Variants in UTP14A observed in about 807,000 individuals in gnomAD.
UTP14A encodes the protein UTP14A small subunit processome component.
A neutral mutation model predicts 57.2 loss-of-function variants in UTP14A; 5 were observed. The ratio of observed to expected loss-of-function variants is 0.09; its 90% confidence interval spans 0.05 to 0.18. UTP14A has a LOEUF of 0.18. Ranked by LOEUF, UTP14A falls within the 10% of genes least tolerant of loss-of-function variation. The pLI is 1.00. For missense variants in UTP14A, 430 were observed against 562.1 expected (o/e 0.76, Z 2.38); for synonymous variants, 169 against 210.9 (o/e 0.80, Z 1.72).
Position 129,925,237 on chromosome X carries a change from C to T in UTP14A, c.1749+42C>T, listed in dbSNP as rs41300918. Reference sequence around the variant, plus strand: ...TGGTGGGCCATTGTTCAGAAAGTGTCGTTCTTGCGCAAGGAGTAATGAAGC... The same window carrying T: ...TGGTGGGCCATTGTTCAGAAAGTGTTGTTCTTGCGCAAGGAGTAATGAAGC... On this transcript the variant is annotated intron_variant, in intron 12 of 14. Coordinates refer to ENST00000394422, the MANE Select transcript of UTP14A (RefSeq NM_006649.4). 608 of 1,175,506 alleles carry T rather than the reference C, an allele frequency of 5.2e-4. No individual in the cohort carries two copies. The Middle Eastern group carries it at 6.9e-3, about 13-fold the overall frequency.
At position 129,924,861 on chromosome X, in the gene UTP14A, A is replaced by C. The variant is rs1930043603; in HGVS notation, c.1415A>C (p.Gln472Pro). 1 of 1,208,280 alleles carries C rather than the reference A, an allele frequency of 8.3e-7. No homozygotes were observed. The highest frequency in any genetic ancestry group is 2.2e-5 in the Admixed American group (1 of 45,131). Residue 472 changes from glutamine (Q) to proline (P), a missense_variant, in exon 12 of 15, where the codon CAG (glutamine) becomes CCG (proline). Around this residue, in one of 4 missense-constraint regions of UTP14A, gnomAD observed 120 missense variants for 116.8 expected, o/e 1.03. Coordinates refer to ENST00000394422, the MANE Select transcript of UTP14A (RefSeq NM_006649.4). ...TCTCAGAAATTGAAGGAAAACCATC[A>C]GTCCAGGAAGCAAAAAGCAAGTTCA... Reference protein sequence around the residue: ...VLSQKLKENHQSRKQKASSEG... With the variant: ...VLSQKLKENHPSRKQKASSEG...
intron 12 of UTP14A, 42 bp downstream of exon 12, chrX:129,925,237 C>A: frequency 8.5e-7 from 1 of 1,177,227 alleles, no homozygotes; most frequent in Non-Finnish European, 1.1e-6. Context: ...CAGAAAGTGT[C>A]GTTCTTGCGC....
Position 129,908,077 on chromosome X carries a change from G to C in UTP14A, c.120G>C (p.Glu40Asp). 8.3e-7 allele frequency: 1 copy of C among 1,208,580 alleles called. No individual in the cohort carries two copies. Among genetic ancestry groups the C allele is most frequent in the Non-Finnish European group, 1.1e-6 (1 of 894,230 alleles). The stretch of plus-strand genomic sequence containing the variant: ...TGTCTTAGGGGGACAATGATGGAGA[G>C]AGAAAGCATCAAAAGCTTCTGGAAG... ...ESEDEGDNDG[E>D]RKHQKLLEAI... The change falls in exon 3 of 15, where the codon GAG becomes GAC. Residue 40 changes from glutamate (E) to aspartate (D), a missense_variant. Glu to Asp is a conservative substitution (Grantham distance 45). Around this residue, in one of 4 missense-constraint regions of UTP14A, gnomAD observed 145 missense variants for 153.5 expected, o/e 0.94. Transcript: ENST00000394422.
chrX:129,927,291 A>G (rs1204086689), intron 14 of UTP14A, among the ~76,000 whole-genome samples: 2 of 111,461 alleles, frequency 1.8e-5, no homozygotes, highest in African/African-American at 6.5e-5. Context: ...AAGTGCTTCA[A>G]GGTGCCTAGG....
At chrX:129,928,905 C>T (rs750100920) in intron 14 of UTP14A, among the ~76,000 whole-genome samples, 4 of 111,095 alleles carry the variant, frequency 3.6e-5, no homozygotes, top group Admixed American at 9.6e-5. Context: ...TCTGGGACAA[C>T]AGCCCTGGAG....
intron 4 of UTP14A, among the ~76,000 whole-genome samples, chrX:129,909,543 CT>C (rs1929388598): frequency 9.0e-6 from 1 of 111,357 alleles, no homozygotes; most frequent in Admixed American, 9.7e-5. Flanking sequence ...ATCCCTCCCC[CT>C]GTGCCCCTTC....
At chrX:129,912,258 G>A (rs758586464) in intron 6 of UTP14A, among the ~76,000 whole-genome samples, 1 of 109,463 alleles carries the variant, frequency 9.1e-6, no homozygotes, top group Non-Finnish European at 1.9e-5. Context: ...GATTACTGGC[G>A]TGCACCAACA....
intron 11 of UTP14A, chrX:129,921,955 C>T (rs1052688180): frequency 1.3e-5 from 2 of 150,826 alleles, no homozygotes; most frequent in African/African-American, 6.2e-5. Flanking sequence ...TCTGAAAGTC[C>T]ATTCACACCT....
intron 6 of UTP14A, among the ~76,000 whole-genome samples, chrX:129,917,536 T>G (rs971216511): frequency 2.9e-4 from 32 of 111,486 alleles, no homozygotes; most frequent in Non-Finnish European, 5.5e-4. Flanking sequence ...TGATAGCATG[T>G]GGAATAACTG....
chrX:129,908,483 G>A (rs1337646002), intron 3 of UTP14A, 187 bp from the exon 4 acceptor site: 1 of 476,614 alleles, frequency 2.1e-6, no homozygotes, highest in East Asian at 3.4e-5. Context: ...ATAAAGAGAA[G>A]AGATGAGGGT....
chrX:129,921,807 T>C, intron 11 of UTP14A: 1 of 385,743 alleles, frequency 2.6e-6, no homozygotes, highest in Non-Finnish European at 4.3e-6. Flanking sequence ...TGCAACGTGG[T>C]TCAGGCACAT....
intron 6 of UTP14A, among the ~76,000 whole-genome samples, chrX:129,913,609 C>A (rs1430733096): frequency 8.9e-6 from 1 of 111,896 alleles, no homozygotes; most frequent in Non-Finnish European, 1.9e-5. Flanking sequence ...CATGCTACTA[C>A]ACACTGTCCT....
rs1245705170 is a variant in UTP14A at position 129,915,522 on chromosome X, C to T, written c.537+3601C>T. On this transcript the variant is annotated intron_variant, in intron 6 of 14. Coordinates refer to ENST00000394422, the MANE Select transcript of UTP14A (RefSeq NM_006649.4). ...CCTGGGCGACAGAGCGAGACTCTGTCTCAAAAAAAAAAAAAAAAAAAGGCT... is the reference window on the plus strand; with the variant it reads ...CCTGGGCGACAGAGCGAGACTCTGTTTCAAAAAAAAAAAAAAAAAAAGGCT... Among the ~76,000 whole-genome samples the T allele has an allele frequency of 5.2e-4, 34 of 65,455 alleles. 1 individual carries two copies. The highest frequency in any genetic ancestry group is 3.2e-3 in the African/African-American group (32 of 10,131). 56.8% of individuals were successfully genotyped at this position (65,455 alleles called of 115,157 possible).
chrX:129,921,729 T>C, intron 11 of UTP14A, 142 bp downstream of exon 11: 1 of 602,821 alleles, frequency 1.7e-6, no homozygotes, highest in Non-Finnish European at 2.4e-6. Context: ...ACTGGATCCC[T>C]GAAGAGAAAT....
At chrX:129,913,441 T>C (rs2124196088) in intron 6 of UTP14A, 2 of 336,952 alleles carry the variant, frequency 5.9e-6, no homozygotes, top group East Asian at 9.8e-5. Flanking sequence ...ATAGAAGATA[T>C]GTAGTGAAAA....
At position 129,929,606 on chromosome X, in the gene UTP14A, T is replaced by C; in HGVS notation, c.2314T>C (p.Ter772ArgextTer21). The C allele has an allele frequency of 8.3e-7, 1 of 1,207,362 alleles. No homozygotes were observed. Among genetic ancestry groups the C allele is most frequent in the Non-Finnish European group, 1.1e-6 (1 of 891,902 alleles). The change falls in exon 15 of 15, where the codon TGA (stop) becomes CGA (arginine). Residue 772 changes from the stop codon to arginine, a stop_lost. Coordinates refer to ENST00000394422, the MANE Select transcript of UTP14A (RefSeq NM_006649.4). ...ACAGCTGAAGAAATGCTCTGTAGAT[T>C]GAGTTGCTGGAGGAGTGACAGCCAG... ...KKQLKKCSVD[*>R]
rs767918400 is a variant in UTP14A, at chrX:129,924,810, A to G, written c.1364A>G (p.Glu455Gly). 6 of 1,196,338 alleles carry G rather than the reference A, an allele frequency of 5.0e-6. No homozygotes were observed. The highest frequency in any genetic ancestry group is 5.6e-6 in the Non-Finnish European group (5 of 890,964). Residue 455 changes from glutamate (E) to glycine (G), a missense_variant, in exon 12 of 15, where the codon GAG becomes GGG. Physicochemically the swap from Glu to Gly is moderately conservative, Grantham distance 98. This residue lies in a region of UTP14A where 120 missense variants were observed against 116.8 expected (regional missense o/e 1.03). Coordinates refer to ENST00000394422, the MANE Select transcript of UTP14A (RefSeq NM_006649.4). ...SQETKDSGSQ[E>G]VLSELRVLSQ... ...TTTCCCCCAGATTCTGGCAGCCAGG[A>G]GGTGCTGTCTGAATTGAGAGTACTA...
intron 6 of UTP14A, among the ~76,000 whole-genome samples, chrX:129,914,500 C>T (rs1220694741): frequency 9.2e-6 from 1 of 109,036 alleles, no homozygotes; most frequent in Non-Finnish European, 1.9e-5. Context: ...TTTCTTGAAT[C>T]CAGGAGGCAG....
Position 129,924,983 on chromosome X carries a change from G to A in UTP14A, c.1537G>A (p.Glu513Lys), listed in dbSNP as rs1170714089. The change falls in exon 12 of 15, where the codon GAG (glutamate) becomes AAG (lysine). Residue 513 changes from glutamate to lysine, a missense_variant. By Grantham distance (56) the Glu-to-Lys change is moderately conservative (BLOSUM62 1). This residue lies in a region of UTP14A where 120 missense variants were observed against 116.8 expected (regional missense o/e 1.03). Coordinates refer to ENST00000394422, the MANE Select transcript of UTP14A (RefSeq NM_006649.4). ...ACCAGAGAGAGTACAGACGCTGGAA[G>A]AGCTAGAAGAGCTGGGAAAAGAAGA... The part of the protein sequence containing the change: ...QRPERVQTLE[E>K]LEELGKEECF... 1.7e-6 allele frequency: 2 copies of A among 1,211,335 alleles called. No individual in the cohort carries two copies. The highest frequency in any genetic ancestry group is 2.2e-6 in the Non-Finnish European group (2 of 895,479).
Sources: allele counts gnomAD v4.1 joint callset (sites outside exome capture counted in the v4.1 genomes callset), GRCh38; gene constraint gnomAD v4.1.1; regional missense constraint gnomAD v4.1.1; transcripts MANE v1.5; gene names NCBI Gene and HGNC (gene_info 2026-07-23, HGNC 2026-07-21).